The following USP9X variants were observed in gnomAD, a reference collection of about 807,000 sequenced individuals.
USP9X encodes the protein ubiquitin carboxyl-terminal hydrolase 9X.
Under a neutral mutation model 190.3 loss-of-function variants are expected in USP9X, and 7 were observed. That is an observed-to-expected ratio of 0.04 (90% CI 0.02 to 0.07). The LOEUF (loss-of-function observed/expected upper bound fraction) is 0.07, where lower values mean the gene tolerates loss of function less well. Among genes scored for constraint, USP9X ranks in the 10% least tolerant of loss-of-function variants. The pLI is 1.00. For synonymous variants in USP9X, 645 were observed against 659.5 expected (o/e 0.98, Z 0.34); for missense variants, 1,010 against 1,916.9 (o/e 0.53, Z 8.83).
intron 14 of USP9X, among the ~76,000 whole-genome samples, chrX:41,154,736 C>A (rs979154953): frequency 9.0e-6 from 1 of 111,700 alleles, no homozygotes; most frequent in African/African-American, 3.3e-5. Flanking sequence ...TGACTGTGGG[C>A]AGGTTATTTA....
chrX:41,121,222 T>C (rs986370369), intron 1 of USP9X, among the ~76,000 whole-genome samples: 1 of 111,582 alleles, frequency 9.0e-6, no homozygotes, highest in Non-Finnish European at 1.9e-5. Flanking sequence ...TTTGTGTGTA[T>C]GTCAGGTGGT....
Position 41,085,555 on chromosome X carries a change from G to A in USP9X, c.-713G>A. ...CGCACCCGGCCCCGTCAGGGCCTCT[G>A]TCGCGCCTAGCCCCTCCCCGCCTTA... On this transcript the variant is annotated 5_prime_UTR_variant, in exon 1 of 45. Coordinates refer to ENST00000378308, the MANE Select transcript of USP9X (RefSeq NM_001039591.3). The A allele has an allele frequency of 4.2e-6, 1 of 240,430 alleles. No homozygotes were observed. The highest frequency in any genetic ancestry group is 6.3e-5 in the East Asian group (1 of 15,984). The allele number at this position is 240,430 out of a possible 1,213,427, so 19.8% of individuals were successfully genotyped here.
In USP9X at chrX:41,232,971, C is replaced by T. The variant is rs1299669286; in HGVS notation, c.*447C>T. On this transcript the variant is annotated 3_prime_UTR_variant, in exon 45 of 45. Coordinates refer to ENST00000378308, the MANE Select transcript of USP9X (RefSeq NM_001039591.3). ...CCAACAGCAACAAAACAGAGCCCAT[C>T]CATGTCAGCCACACCAATAGTTTCA... 2.7e-5 allele frequency: 3 copies of T among 112,348 alleles called. No homozygotes were observed. Among genetic ancestry groups the T allele is most frequent in the Non-Finnish European group, 5.6e-5 (3 of 53,558 alleles). 9.3% of individuals were successfully genotyped at this position (112,348 alleles called of 1,213,427 possible). A position where few individuals can be genotyped will look rare whatever the true frequency, so the allele number is the denominator to read the frequency against.
intron 26 of USP9X, among the ~76,000 whole-genome samples, chrX:41,192,352 T>A (rs1000718861): frequency 1.8e-5 from 2 of 112,287 alleles, no homozygotes; most frequent in African/African-American, 6.5e-5. Flanking sequence ...TTAGATGGTC[T>A]GCTTCCACAT....
Position 41,210,677 on chromosome X carries a change from A to G in USP9X, c.5184A>G (p.Pro1728=), listed in dbSNP as rs768609224. The change falls in exon 33 of 45, where the codon CCA becomes CCG. Residue 1728 remains proline, a synonymous_variant. Coordinates refer to ENST00000378308, the MANE Select transcript of USP9X (RefSeq NM_001039591.3). ...FADQKICQGC[P]HRYECEESFT... is the part of the protein sequence containing the mutation. ...ATCAGAAGATCTGCCAAGGCTGCCC[A>G]CATAGGTAAGTACTAATTACACATT... 16 of 1,210,286 alleles carry G rather than the reference A, an allele frequency of 1.3e-5. No individual in the cohort carries two copies. Among genetic ancestry groups the G allele is most frequent in the Middle Eastern group, 6.2e-4 (2 of 3,251 alleles).
At chrX:41,118,791 A>G (rs2062169118) in intron 1 of USP9X, among the ~76,000 whole-genome samples, 1 of 112,027 alleles carries the variant, frequency 8.9e-6, no homozygotes, top group African/African-American at 3.3e-5. Context: ...CCTGAATTCT[A>G]GACGTGTAGA....
intron 22 of USP9X, 104 bp from the exon 23 acceptor site, chrX:41,184,289 TAGTG>T: frequency 9.9e-7 from 1 of 1,008,922 alleles, no homozygotes; most frequent in Non-Finnish European, 1.3e-6. Context: ...AAATAAATAA[TAGTG>T]AGATGGTCAA....
intron 33 of USP9X, among the ~76,000 whole-genome samples, chrX:41,213,828 T>C (rs1328800418): frequency 8.9e-6 from 1 of 112,067 alleles, no homozygotes; most frequent in African/African-American, 3.3e-5. Context: ...TGCCTTTGTG[T>C]ACCTTTTTTC....
At chrX:41,133,252 C>T (rs948661262) in intron 4 of USP9X, among the ~76,000 whole-genome samples, 10 of 111,769 alleles carry the variant, frequency 8.9e-5, no homozygotes, top group African/African-American at 2.6e-4. Flanking sequence ...ATACAATACG[C>T]GGACAGGTTA....
chrX:41,150,986 A>G lies in USP9X; in HGVS notation c.1692A>G (p.Lys564=). 1.7e-6 allele frequency: 2 copies of G among 1,208,489 alleles called. No individual in the cohort carries two copies. Among genetic ancestry groups the G allele is most frequent in the South Asian group, 3.5e-5 (2 of 56,365 alleles). Residue 564 remains lysine (K), a synonymous_variant, in exon 13 of 45, where the codon AAA becomes AAG. Transcript: ENST00000378308. The part of the protein sequence containing the change: ...RFIEELRTND[K]WVIPALKQIR... The stretch of plus-strand genomic sequence containing the variant: ...TAGAAGAACTTCGCACAAATGACAA[A>G]TGGGTTATTCCCGCACTGAAACAAA...
chrX:41,228,775 A>AC (rs1311370872), intron 41 of USP9X, among the ~76,000 whole-genome samples: 1 of 112,082 alleles, frequency 8.9e-6, no homozygotes, highest in African/African-American at 3.2e-5. Flanking sequence ...CAGCTATATG[A>AC]CCTCGGCAAG....
Position 41,183,981 on chromosome X carries a change from C to G in USP9X, c.3149-17C>G. 8.4e-7 allele frequency: 1 copy of G among 1,193,040 alleles called. No individual in the cohort carries two copies. The highest frequency in any genetic ancestry group is 1.1e-6 in the Non-Finnish European group (1 of 888,617). ...CACATGAATTACATTTTCACACTGT[C>G]TCTTTTTTTCCTCCAGATAGCACAA... On this transcript the variant is annotated splice_polypyrimidine_tract_variant and intron_variant, in intron 21 of 44. Transcript: ENST00000378308.
At chrX:41,211,549 T>C (rs2063157417) in intron 33 of USP9X, among the ~76,000 whole-genome samples, 2 of 113,689 alleles carry the variant, frequency 1.8e-5, no homozygotes, top group East Asian at 5.5e-4. Flanking sequence ...AAACCTATTG[T>C]AAAAAAAGAT....
chrX:41,100,055 C>T (rs751723189), intron 1 of USP9X, among the ~76,000 whole-genome samples: 2 of 112,147 alleles, frequency 1.8e-5, no homozygotes, highest in East Asian at 5.5e-4. Flanking sequence ...CATTTTGATG[C>T]AAAACCCAGA....
At chrX:41,145,288 A>C (rs2062454746) in intron 11 of USP9X, among the ~76,000 whole-genome samples, 1 of 112,103 alleles carries the variant, frequency 8.9e-6, no homozygotes. Flanking sequence ...AAATTGCTAT[A>C]GCCACTTTGG....
chrX:41,144,378 C>T (rs900905206), intron 10 of USP9X, 144 bp from the exon 11 acceptor site: 10 of 480,090 alleles, frequency 2.1e-5, no homozygotes, highest in South Asian at 2.0e-4. Context: ...TGCCACTGTG[C>T]GGGCTGTGTT....
intron 38 of USP9X, among the ~76,000 whole-genome samples, chrX:41,220,056 G>T (rs751916113): frequency 8.9e-6 from 1 of 111,874 alleles, no homozygotes; most frequent in South Asian, 3.7e-4. Context: ...TGTCGTTTCA[G>T]GTTTTTTTTC....
chrX:41,155,790 T>G (rs1232074820), intron 14 of USP9X, among the ~76,000 whole-genome samples: 2 of 111,992 alleles, frequency 1.8e-5, no homozygotes, highest in Admixed American at 1.9e-4. Flanking sequence ...GTGAACAATT[T>G]GTACCTTCTT....
At chrX:41,218,654 C>T in intron 37 of USP9X, 57 bp downstream of exon 37, 11 of 1,105,528 alleles carry the variant, frequency 9.9e-6, no homozygotes, top group Non-Finnish European at 1.4e-5. Flanking sequence ...ATTGTGTTTC[C>T]TGGAAGTCGA....
Sources: allele counts gnomAD v4.1 joint callset (sites outside exome capture counted in the v4.1 genomes callset), GRCh38; gene constraint gnomAD v4.1.1; transcripts MANE v1.5; gene names NCBI Gene and HGNC (gene_info 2026-07-23, HGNC 2026-07-21).